The following KCNQ1OT1 variants were observed in gnomAD, a reference collection of about 807,000 sequenced individuals.
The protein encoded by KCNQ1OT1 is KCNQ1 antisense RNA 2 (non-protein coding).
chr11:2,640,566 T>C (rs1182564981), exon 1 of KCNQ1OT1: 2 of 176,240 alleles, frequency 1.1e-5, no homozygotes, highest in Admixed American at 1.3e-4. Flanking sequence ...GATTTCCTTT[T>C]TTTTTTTTTT....
At chr11:2,609,730 C>T (rs1848947370) in exon 1 of KCNQ1OT1, 2 of 398,180 alleles carry the variant, frequency 5.0e-6, no homozygotes, top group Non-Finnish European at 8.9e-6. Context: ...TGTTTATAAT[C>T]ATTGTATCTT....
exon 1 of KCNQ1OT1, chr11:2,632,647 TA>T: frequency 2.5e-6 from 1 of 398,400 alleles, no homozygotes. Flanking sequence ...TCAACTCAAA[TA>T]TCATTTCTCT....
rs1010418100 is a variant in KCNQ1OT1 at position 2,621,134 on chromosome 11, T to C, written n.78861A>G. 7.1e-5 allele frequency: 28 copies of C among 396,672 alleles called. No homozygotes were observed. Among genetic ancestry groups the C allele is most frequent in the South Asian group, 4.3e-4 (3 of 7,000 alleles). The allele number at this position is 396,672 out of a possible 1,614,324, so 24.6% of individuals were successfully genotyped here. On this transcript the variant is annotated non_coding_transcript_exon_variant, in exon 1 of 1. Transcript: ENST00000597346. The surrounding 1 kb of genome is among the most constrained non-coding windows in gnomAD (Gnocchi z 5.7). ...CTGGGATTACAGGTGACCGCCACCA[T>C]ACCTGGCTAATTTTTGTGTTTTTAG...
At chr11:2,686,448 T>C in exon 1 of KCNQ1OT1, 1 of 398,664 alleles carries the variant, frequency 2.5e-6, no homozygotes. Context: ...CTGCCAAGTT[T>C]CCACAATTGT....
chr11:2,649,688 C>G (rs1849728186), exon 1 of KCNQ1OT1: 1 of 398,346 alleles, frequency 2.5e-6, no homozygotes, highest in Non-Finnish European at 4.4e-6. Context: ...CTGTTGATTC[C>G]CTTATATGTG....
chr11:2,671,850 C>T lies in KCNQ1OT1; in HGVS notation n.28145G>A. On this transcript the variant is annotated non_coding_transcript_exon_variant, in exon 1 of 1. Coordinates refer to ENST00000597346, the Ensembl canonical transcript of KCNQ1OT1. This position sits in a 1 kb window ranked among gnomAD's most constrained non-coding sequence, Gnocchi z 4.7. ...TGTGGTTATAGGTCTGAGCCTTCTG[C>T]CCCAGGGAGCCAAGCCCTGGAGAGG... The T allele has an allele frequency of 2.5e-6, 1 of 398,716 alleles. No individual in the cohort carries two copies. Among genetic ancestry groups the T allele is most frequent in the Non-Finnish European group, 4.4e-6 (1 of 226,122 alleles). The allele number at this position is 398,716 out of a possible 1,614,324, so 24.7% of individuals were successfully genotyped here. A position where few individuals can be genotyped will look rare whatever the true frequency, so the allele number is the denominator to read the frequency against.
Position 2,620,213 on chromosome 11 carries a change from T to TATATA in KCNQ1OT1, n.79781_79782insTATAT, listed in dbSNP as rs1305943444. 2,153 of 247,178 alleles carry TATATA rather than the reference T, an allele frequency of 8.7e-3. 31 individuals are homozygous for TATATA. The highest frequency in any genetic ancestry group is 0.048 in the African/African-American group (1,607 of 33,792). 15.3% of individuals were successfully genotyped at this position (247,178 alleles called of 1,614,324 possible). On this transcript the variant is annotated non_coding_transcript_exon_variant, in exon 1 of 1. Coordinates refer to ENST00000597346, the Ensembl canonical transcript of KCNQ1OT1. This position sits in a 1 kb window ranked among gnomAD's most constrained non-coding sequence, Gnocchi z 4.5. ...AGTTCATTCATGTATATATATATATTTTTTTTTTTTATTTTTTTTTTAGAC... is the reference window on the plus strand; with the variant it reads ...AGTTCATTCATGTATATATATATATTATATATTTTTTTTTTATTTTTTTTTTAGAC...
rs1330364515 is a variant in KCNQ1OT1, at chr11:2,661,663, C to G, written n.38332G>C. Reference sequence around the variant, plus strand: ...TGTCAGTTGTGAACATGGGAAGAGGCCCAGAACCTGAGGTGGGGAGAGTCT... The same window carrying G: ...TGTCAGTTGTGAACATGGGAAGAGGGCCAGAACCTGAGGTGGGGAGAGTCT... On this transcript the variant is annotated non_coding_transcript_exon_variant, in exon 1 of 1. Coordinates refer to ENST00000597346, the Ensembl canonical transcript of KCNQ1OT1. This position sits in a 1 kb window ranked among gnomAD's most constrained non-coding sequence, Gnocchi z 5.9. 4 of 596,472 alleles carry G rather than the reference C, an allele frequency of 6.7e-6. No homozygotes were observed. Among genetic ancestry groups the G allele is most frequent in the Non-Finnish European group, 1.2e-5 (4 of 334,582 alleles). 36.9% of individuals were successfully genotyped at this position (596,472 alleles called of 1,614,324 possible).
At chr11:2,644,155 G>A (rs1849626897) in exon 1 of KCNQ1OT1, 2 of 398,434 alleles carry the variant, frequency 5.0e-6, no homozygotes, top group East Asian at 7.1e-5. Flanking sequence ...ATTGGGAAGT[G>A]TTCAGGTATT....
Position 2,661,949 on chromosome 11 carries a change from C to G in KCNQ1OT1, n.38046G>C. ...GGAGGCCTAACGTGCTGTCCCCACA[C>G]TTTCTCCTCAGTAAGGAAGAGCCCA... On this transcript the variant is annotated non_coding_transcript_exon_variant, in exon 1 of 1. Transcript: ENST00000597346. This position sits in a 1 kb window ranked among gnomAD's most constrained non-coding sequence, Gnocchi z 5.9. The G allele has an allele frequency of 6.2e-7, 1 of 1,614,198 alleles. No individual in the cohort carries two copies.
At chr11:2,631,981 G>C in exon 1 of KCNQ1OT1, 1 of 396,524 alleles carries the variant, frequency 2.5e-6, no homozygotes, top group Non-Finnish European at 4.4e-6. Flanking sequence ...AGGAGATCGA[G>C]ACCATCCTGG....
chr11:2,635,143 C>T (rs924900731), exon 1 of KCNQ1OT1: 1 of 152,196 alleles, frequency 6.6e-6, no homozygotes, highest in East Asian at 1.9e-4. Flanking sequence ...CCTATTCACT[C>T]TGACGGTAGT....
chr11:2,610,276 GTTTA>G lies in KCNQ1OT1; in HGVS notation n.89715_89718del, dbSNP rs1848957885. 7.5e-6 allele frequency: 3 copies of G among 397,840 alleles called. No homozygotes were observed. In the South Asian group the frequency reaches 3.8e-4, roughly 51 times the overall value. The allele number at this position is 397,840 out of a possible 1,614,324, so 24.6% of individuals were successfully genotyped here. ...AGATACAGAAGTTATTCCTGTATGA[GTTTA>G]TTCAGTTTTACCACTTTTTGTGGTA... On this transcript the variant is annotated non_coding_transcript_exon_variant, in exon 1 of 1. Coordinates refer to ENST00000597346, the Ensembl canonical transcript of KCNQ1OT1.
chr11:2,642,909 C>G lies in KCNQ1OT1; in HGVS notation n.57086G>C. 1 of 397,846 alleles carries G rather than the reference C, an allele frequency of 2.5e-6. No homozygotes were observed. Among genetic ancestry groups the G allele is most frequent in the Admixed American group, 4.4e-5 (1 of 22,696 alleles). The allele number at this position is 397,846 out of a possible 1,614,324, so 24.6% of individuals were successfully genotyped here. A position where few individuals can be genotyped will look rare whatever the true frequency, so the allele number is the denominator to read the frequency against. ...AAATTTTTTATTTCTGCCTTAATTTCTTCTTTGACCCATTGGTCATTCAGG... is the reference window on the plus strand; with the variant it reads ...AAATTTTTTATTTCTGCCTTAATTTGTTCTTTGACCCATTGGTCATTCAGG... On this transcript the variant is annotated non_coding_transcript_exon_variant, in exon 1 of 1. Transcript: ENST00000597346. This position sits in a 1 kb window ranked among gnomAD's most constrained non-coding sequence, Gnocchi z 4.3.
At chr11:2,648,897 T>C in exon 1 of KCNQ1OT1, 1 of 398,408 alleles carries the variant, frequency 2.5e-6, no homozygotes, top group Admixed American at 4.4e-5. Context: ...GTGTTGTTGG[T>C]TGCATATATA....
chr11:2,683,385 G>A lies in KCNQ1OT1; in HGVS notation n.16610C>T. The A allele has an allele frequency of 2.5e-6, 1 of 398,676 alleles. No homozygotes were observed. Among genetic ancestry groups the A allele is most frequent in the Non-Finnish European group, 4.4e-6 (1 of 226,066 alleles). 24.7% of individuals were successfully genotyped at this position (398,676 alleles called of 1,614,324 possible). On this transcript the variant is annotated non_coding_transcript_exon_variant, in exon 1 of 1. Coordinates refer to ENST00000597346, the Ensembl canonical transcript of KCNQ1OT1. The surrounding 1 kb of genome is among the most constrained non-coding windows in gnomAD (Gnocchi z 4.7). The stretch of plus-strand genomic sequence containing the variant: ...CTGTCTGCAAATGCAGGTTCCTGGG[G>A]CTCTGGGTGGTTTGTCCAATGGCTA...
Position 2,654,942 on chromosome 11 carries a change from C to T in KCNQ1OT1, n.45053G>A, listed in dbSNP as rs866973428. 9 of 398,392 alleles carry T rather than the reference C, an allele frequency of 2.3e-5. No homozygotes were observed. Among genetic ancestry groups the T allele is most frequent in the Non-Finnish European group, 3.5e-5 (8 of 226,058 alleles). The allele number at this position is 398,392 out of a possible 1,614,324, so 24.7% of individuals were successfully genotyped here. On this transcript the variant is annotated non_coding_transcript_exon_variant, in exon 1 of 1. Coordinates refer to ENST00000597346, the Ensembl canonical transcript of KCNQ1OT1. The surrounding 1 kb of genome is among the most constrained non-coding windows in gnomAD (Gnocchi z 6.4). Reference sequence around the variant, plus strand: ...AGCAAGGCACAGATACAGGAGACTTCCACAAATTATTGTTTCTTGACTTGG... The same window carrying T: ...AGCAAGGCACAGATACAGGAGACTTTCACAAATTATTGTTTCTTGACTTGG...
rs947102293 is a variant in KCNQ1OT1, at chr11:2,663,074, C to A, written n.36921G>T. Reference sequence around the variant, plus strand: ...CCAGAGAACTGGCAGGGTTGGGTAGCCAGAATGAGGCCACCTCCAGGGAAG... The same window carrying A: ...CCAGAGAACTGGCAGGGTTGGGTAGACAGAATGAGGCCACCTCCAGGGAAG... On this transcript the variant is annotated non_coding_transcript_exon_variant, in exon 1 of 1. Transcript: ENST00000597346. The surrounding 1 kb of genome is among the most constrained non-coding windows in gnomAD (Gnocchi z 5.2). 4 of 398,594 alleles carry A rather than the reference C, an allele frequency of 1.0e-5. No individual in the cohort carries two copies. Among genetic ancestry groups the A allele is most frequent in the Non-Finnish European group, 1.8e-5 (4 of 226,168 alleles). The allele number at this position is 398,594 out of a possible 1,614,324, so 24.7% of individuals were successfully genotyped here. A position where few individuals can be genotyped will look rare whatever the true frequency, so the allele number is the denominator to read the frequency against.
In KCNQ1OT1 at chr11:2,683,454, A is replaced by C; in HGVS notation, n.16541T>G. 1 of 398,684 alleles carries C rather than the reference A, an allele frequency of 2.5e-6. No homozygotes were observed. Among genetic ancestry groups the C allele is most frequent in the Non-Finnish European group, 4.4e-6 (1 of 226,078 alleles). The allele number at this position is 398,684 out of a possible 1,614,324, so 24.7% of individuals were successfully genotyped here. A position where few individuals can be genotyped will look rare whatever the true frequency, so the allele number is the denominator to read the frequency against. On this transcript the variant is annotated non_coding_transcript_exon_variant, in exon 1 of 1. Coordinates refer to ENST00000597346, the Ensembl canonical transcript of KCNQ1OT1. The surrounding 1 kb of genome is among the most constrained non-coding windows in gnomAD (Gnocchi z 4.7). ...GTAACTGGAAAAATGTAGGAATTAC[A>C]TATGATTCCATCAATGACAGTTTTC...
Sources: allele counts gnomAD v4.1 joint callset, GRCh38; gene constraint gnomAD v4.1.1; non-coding constraint Gnocchi (gnomAD v3.1); transcripts MANE v1.5; gene names NCBI Gene and HGNC (gene_info 2026-07-23, HGNC 2026-07-21).